The following KCTD16 variants were observed in gnomAD, a reference collection of about 807,000 sequenced individuals.
KCTD16 encodes the protein BTB/POZ domain-containing protein KCTD16.
A neutral mutation model predicts 33.2 loss-of-function variants in KCTD16; 13 were observed. The observed-to-expected ratio is 0.39, with a 90% CI of 0.25 to 0.62. KCTD16 has a LOEUF of 0.62. KCTD16 is among the 20% of genes least tolerant of loss of function. The probability of loss-of-function intolerance (pLI) is 0.50; values close to 1 mark genes in which losing one functional copy is unlikely to be tolerated. For synonymous variants in KCTD16, 197 were observed against 195.3 expected, an observed-to-expected ratio of 1.01 and a Z score of -0.07; for missense variants, 441 against 525.1, an observed-to-expected ratio of 0.84 and a Z score of 1.57.
In KCTD16 at chr5:144,475,290, G is replaced by GT. The variant is rs1754570665; in HGVS notation, c.*1181dup. On this transcript the variant is annotated 3_prime_UTR_variant, in exon 4 of 4. Transcript: ENST00000512467. ...GCTACATTTTTACTTGCTTGTAGCC[G>GT]TTTTTGTTTGCCTTTGGGATTCGGG... 6.6e-6 allele frequency: 1 copy of GT among 152,156 alleles called. No individual in the cohort carries two copies. The allele number at this position is 152,156 out of a possible 1,614,324, so 9.4% of individuals were successfully genotyped here.
intron 3 of KCTD16, among the ~76,000 whole-genome samples, chr5:144,453,178 C>T (rs73299636): frequency 0.05 from 7,602 of 152,130 alleles, 649 homozygotes; most frequent in African/African-American, 0.17. Context: ...ATCCTTGTCC[C>T]TCCATTTTGG....
At position 144,308,195 on chromosome 5, in the gene KCTD16, G is replaced by T. The variant is rs972968174; in HGVS notation, c.832+100649G>T. Reference sequence around the variant, plus strand: ...ATTTTAATTGCCTTTATCTTAGCTTGCCCAGGACCTTGACCCTTTCTTTCT... The same window carrying T: ...ATTTTAATTGCCTTTATCTTAGCTTTCCCAGGACCTTGACCCTTTCTTTCT... On this transcript the variant is annotated intron_variant, in intron 3 of 3. Transcript: ENST00000512467. Among the ~76,000 whole-genome samples the T allele has an allele frequency of 2.0e-5, 3 of 152,176 alleles. No individual in the cohort carries two copies. The South Asian group carries it at 6.2e-4, about 31-fold the overall frequency.
At chr5:144,224,659 A>T (rs1753873947) in intron 3 of KCTD16, among the ~76,000 whole-genome samples, 1 of 152,148 alleles carries the variant, frequency 6.6e-6, no homozygotes, top group African/African-American at 2.4e-5. Context: ...TTTCTTCCAA[A>T]CAACCAGATA....
chr5:144,302,396 T>C (rs910406567), intron 3 of KCTD16, among the ~76,000 whole-genome samples: 1 of 152,214 alleles, frequency 6.6e-6, no homozygotes, highest in Admixed American at 6.5e-5. Context: ...AAGTGAAATA[T>C]GAAAGACAAA....
chr5:144,381,435 T>C (rs1415118681), intron 3 of KCTD16, among the ~76,000 whole-genome samples: 1 of 152,172 alleles, frequency 6.6e-6, no homozygotes, highest in African/African-American at 2.4e-5. Context: ...CTGGGCAATA[T>C]TTAAAGAAAA....
chr5:144,171,125 A>G (rs1752372529), intron 1 of KCTD16, 116 bp downstream of exon 1: 1 of 152,266 alleles, frequency 6.6e-6, no homozygotes, highest in Non-Finnish European at 1.5e-5. Flanking sequence ...ACTGTGGTAA[A>G]TATAAGCTAG....
chr5:144,329,451 A>G (rs1465656299), intron 3 of KCTD16, among the ~76,000 whole-genome samples: 1 of 152,156 alleles, frequency 6.6e-6, no homozygotes, highest in Admixed American at 6.6e-5. Flanking sequence ...AACACCATAA[A>G]AAGTAAACCC....
intron 3 of KCTD16, among the ~76,000 whole-genome samples, chr5:144,227,889 C>A (rs1407560001): frequency 6.6e-6 from 1 of 152,152 alleles, no homozygotes; most frequent in Non-Finnish European, 1.5e-5. Flanking sequence ...TTAGCTTAAG[C>A]AATTTGGAAG....
At chr5:144,305,970 A>C (rs533961012) in intron 3 of KCTD16, among the ~76,000 whole-genome samples, 57 of 152,352 alleles carry the variant, frequency 3.7e-4, no homozygotes, top group South Asian at 2.1e-3. Context: ...TGTTTAAGCC[A>C]TCCATTCAAT....
intron 3 of KCTD16, among the ~76,000 whole-genome samples, chr5:144,455,826 G>C (rs920563481): frequency 1.3e-5 from 2 of 152,200 alleles, no homozygotes; most frequent in African/African-American, 4.8e-5. Flanking sequence ...AAATGTCTGA[G>C]TATAGCAGGC....
chr5:144,223,457 C>G (rs919979984), intron 3 of KCTD16, among the ~76,000 whole-genome samples: 6 of 152,060 alleles, frequency 3.9e-5, no homozygotes, highest in Non-Finnish European at 8.8e-5. Context: ...ATGGTAGCAT[C>G]AGCCCTATAT....
chr5:144,394,116 T>A (rs1006306368), intron 3 of KCTD16, among the ~76,000 whole-genome samples: 2 of 152,162 alleles, frequency 1.3e-5, no homozygotes, highest in Non-Finnish European at 2.9e-5. Context: ...ATCGACTTTC[T>A]AGTTTCTATT....
chr5:144,205,026 T>G (rs1753129441), intron 2 of KCTD16, among the ~76,000 whole-genome samples: 1 of 151,954 alleles, frequency 6.6e-6, no homozygotes, highest in Non-Finnish European at 1.5e-5. Flanking sequence ...TGTAGATTTT[T>G]CAAATAAAAA....
intron 3 of KCTD16, among the ~76,000 whole-genome samples, chr5:144,320,079 G>A (rs1018499342): frequency 5.3e-5 from 8 of 152,036 alleles, no homozygotes; most frequent in African/African-American, 1.4e-4. Context: ...CAGTAGAAAT[G>A]GGCTAAATAT....
In KCTD16 at chr5:144,299,141, TATATATA is replaced by T. The variant is rs1193877736; in HGVS notation, c.832+91596_832+91602del. 3.6e-3 allele frequency among the ~76,000 whole-genome samples: 104 copies of T among 28,578 alleles called. 2 individuals carry two copies. Among genetic ancestry groups the T allele is most frequent in the South Asian group, 5.9e-3 (5 of 854 alleles). The allele number at this position is 28,578 out of a possible 152,430, so 18.7% of individuals were successfully genotyped here. On this transcript the variant is annotated intron_variant, in intron 3 of 3. Coordinates refer to ENST00000512467, the MANE Select transcript of KCTD16 (RefSeq NM_020768.4). ...ATATATATATATATATATATATATA[TATATATA>T]TTTTTTTTTTTTTTTTTAACCTGTC...
At chr5:144,256,608 G>GT (rs200822321) in intron 3 of KCTD16, among the ~76,000 whole-genome samples, 65 of 139,382 alleles carry the variant, frequency 4.7e-4, no homozygotes, top group Non-Finnish European at 4.6e-4. Context: ...TCCCCAAGGA[G>GT]TTTTTTTTGT....
At chr5:144,409,546 G>A (rs1363234333) in intron 3 of KCTD16, among the ~76,000 whole-genome samples, 1 of 151,854 alleles carries the variant, frequency 6.6e-6, no homozygotes. Flanking sequence ...TATTCTCAAG[G>A]AGAAGACAGC....
chr5:144,355,835 T>G (rs1291668327), intron 3 of KCTD16, among the ~76,000 whole-genome samples: 2 of 152,154 alleles, frequency 1.3e-5, no homozygotes, highest in Non-Finnish European at 2.9e-5. Flanking sequence ...TCTACTCCCC[T>G]TGCTCAGAAT....
intron 3 of KCTD16, among the ~76,000 whole-genome samples, chr5:144,340,868 G>A (rs780251365): frequency 6.7e-6 from 1 of 148,776 alleles, no homozygotes; most frequent in Non-Finnish European, 1.5e-5. Flanking sequence ...TGACCAACAT[G>A]GTGAAACCCC....
Sources: allele counts gnomAD v4.1 joint callset (sites outside exome capture counted in the v4.1 genomes callset), GRCh38; gene constraint gnomAD v4.1.1; transcripts MANE v1.5; gene names NCBI Gene and HGNC (gene_info 2026-07-23, HGNC 2026-07-21).